Variants in ZNF280D observed in about 807,000 individuals in gnomAD.
ZNF280D encodes the protein zinc finger protein 280D.
ZNF280D carries 39 observed loss-of-function variants against 94.7 expected under a neutral mutation model. The ratio of observed to expected loss-of-function variants is 0.41; its 90% CI spans 0.32 to 0.54. The LOEUF is 0.54. ZNF280D is among the 20% of genes least tolerant of loss of function. The pLI, the probability that ZNF280D is intolerant of heterozygous loss-of-function variation, is 0.22. For missense variants in ZNF280D, 1,090 were observed against 1,149.3 expected (o/e 0.95, Z 0.75); for synonymous variants, 398 against 377.6 (o/e 1.05, Z -0.63).
chr15:56,732,344 T>C (rs974111781), intron 1 of ZNF280D, among the ~76,000 whole-genome samples: 28 of 152,242 alleles, frequency 1.8e-4, no homozygotes, highest in African/African-American at 6.5e-4. Flanking sequence ...CAACAGTATT[T>C]GTAGTGATGT....
At chr15:56,721,246 C>T (rs2058344661) in intron 1 of ZNF280D, among the ~76,000 whole-genome samples, 1 of 152,178 alleles carries the variant, frequency 6.6e-6, no homozygotes, top group Admixed American at 6.5e-5. Flanking sequence ...GTTGCGATTA[C>T]AGGCATGAGC....
At chr15:56,690,917 A>AGTTAACTTGTCACTCTCTAGTTAT (rs1566988147) in intron 7 of ZNF280D, among the ~76,000 whole-genome samples, 2 of 152,134 alleles carry the variant, frequency 1.3e-5, no homozygotes, top group African/African-American at 4.8e-5. Context: ...TATGTTAACT[A>AGTTAACTTGTCACTCTCTAGTTAT]GTTAACTTGT....
chr15:56,705,522 A>G (rs927845152), intron 3 of ZNF280D, among the ~76,000 whole-genome samples: 14 of 152,166 alleles, frequency 9.2e-5, no homozygotes, highest in African/African-American at 3.4e-4. Flanking sequence ...TATTTTCCTC[A>G]TCTATAACAC....
At chr15:56,706,441 G>A (rs1401744577) in intron 3 of ZNF280D, among the ~76,000 whole-genome samples, 3 of 151,914 alleles carry the variant, frequency 2.0e-5, no homozygotes, top group Admixed American at 2.0e-4. Flanking sequence ...TCATGCCACT[G>A]CACTCCAGCC....
Position 56,725,152 on chromosome 15 carries a change from G to C in ZNF280D, c.-86+8306C>G, listed in dbSNP as rs573886486. Among the ~76,000 whole-genome samples, 5 of 152,228 alleles carry C rather than the reference G, an allele frequency of 3.3e-5. No individual in the cohort carries two copies. The South Asian group carries it at 1.0e-3, about 32-fold the overall frequency. On this transcript the variant is annotated intron_variant, in intron 1 of 21. Coordinates refer to ENST00000267807, the MANE Select transcript of ZNF280D (RefSeq NM_017661.4). ...AAGGAACGCACAGGAGTGAAGCCTA[G>C]AAGCAAAGGGCAAATTAGTTCATAG...
chr15:56,669,922 ATATT>A lies in ZNF280D; in HGVS notation c.1411-969_1411-966del, dbSNP rs1566960383. ...TATATAATATATATATATTATATAT[ATATT>A]ATATATATATTATATATATATATTA... is the stretch of plus-strand genomic sequence containing the variant. On this transcript the variant is annotated intron_variant, in intron 13 of 21. Coordinates refer to ENST00000267807, the MANE Select transcript of ZNF280D (RefSeq NM_017661.4). Among the ~76,000 whole-genome samples the A allele has an allele frequency of 5.1e-4, 4 of 7,886 alleles. 1 individual carries two copies. The highest frequency in any genetic ancestry group is 1.5e-3 in the African/African-American group (4 of 2,634). The allele number at this position is 7,886 out of a possible 152,430, so 5.2% of individuals were successfully genotyped here. A position where few individuals can be genotyped will look rare whatever the true frequency, so the allele number is the denominator to read the frequency against.
At chr15:56,718,524 T>A (rs1445486513) in intron 1 of ZNF280D, among the ~76,000 whole-genome samples, 4 of 152,310 alleles carry the variant, frequency 2.6e-5, no homozygotes, top group African/African-American at 9.6e-5. Context: ...TATTAATACA[T>A]AGAAAGGCTA....
chr15:56,687,825 G>A (rs2056132216), intron 9 of ZNF280D, among the ~76,000 whole-genome samples: 1 of 152,144 alleles, frequency 6.6e-6, no homozygotes, highest in Non-Finnish European at 1.5e-5. Context: ...AGTAAGGACA[G>A]ACCAAATATG....
chr15:56,732,310 AG>A (rs1192439164), intron 1 of ZNF280D, among the ~76,000 whole-genome samples: 1 of 152,192 alleles, frequency 6.6e-6, no homozygotes, highest in African/African-American at 2.4e-5. Context: ...TATCAATGAA[AG>A]GCACAAAAGC....
At chr15:56,635,849 G>A (rs1326672869) in intron 20 of ZNF280D, 4 of 152,168 alleles carry the variant, frequency 2.6e-5, no homozygotes, top group Non-Finnish European at 4.4e-5. Context: ...TACCAGCTAT[G>A]GAGTACATAT....
chr15:56,631,344 T>G lies in ZNF280D; in HGVS notation c.*154A>C. The G allele has an allele frequency of 2.6e-6, 2 of 780,560 alleles. No homozygotes were observed. Among genetic ancestry groups the G allele is most frequent in the South Asian group, 4.2e-5 (2 of 48,096 alleles). 48.4% of individuals were successfully genotyped at this position (780,560 alleles called of 1,614,324 possible). A position where few individuals can be genotyped will look rare whatever the true frequency, so the allele number is the denominator to read the frequency against. Reference sequence around the variant, plus strand: ...TGCTATTATTGGTGAATTGATTTGTTTGATAACATAGGTTGAACATACAGG... The same window carrying G: ...TGCTATTATTGGTGAATTGATTTGTGTGATAACATAGGTTGAACATACAGG... On this transcript the variant is annotated 3_prime_UTR_variant, in exon 22 of 22. Coordinates refer to ENST00000267807, the MANE Select transcript of ZNF280D (RefSeq NM_017661.4).
intron 19 of ZNF280D, 187 bp from the exon 20 acceptor site, chr15:56,643,184 A>T (rs2052714816): frequency 2.7e-6 from 1 of 370,486 alleles, no homozygotes. Context: ...GAGACTAAAT[A>T]GTAGATTCGA....
chr15:56,680,171 T>C (rs1772570598), intron 10 of ZNF280D, among the ~76,000 whole-genome samples: 1 of 152,208 alleles, frequency 6.6e-6, no homozygotes, highest in Non-Finnish European at 1.5e-5. Flanking sequence ...AGAAACTCCA[T>C]ACCACAATAT....
chr15:56,728,743 G>A (rs1368417560), intron 1 of ZNF280D, among the ~76,000 whole-genome samples: 1 of 152,170 alleles, frequency 6.6e-6, no homozygotes, highest in Non-Finnish European at 1.5e-5. Context: ...TTATAATGGT[G>A]TGAAAGTGCA....
intron 3 of ZNF280D, among the ~76,000 whole-genome samples, chr15:56,705,740 T>C (rs1186114896): frequency 6.6e-6 from 1 of 152,116 alleles, no homozygotes; most frequent in African/African-American, 2.4e-5. Flanking sequence ...CAATTCAAGA[T>C]TTAACATATA....
intron 9 of ZNF280D, among the ~76,000 whole-genome samples, chr15:56,688,489 CAAAAAAAAAAA>C (rs55861049): frequency 1.3e-5 from 1 of 76,682 alleles, no homozygotes; most frequent in Non-Finnish European, 2.6e-5. Flanking sequence ...GACTCCGTCT[CAAAAAAAAAAA>C]AAAAAAAAAA....
intron 1 of ZNF280D, among the ~76,000 whole-genome samples, chr15:56,716,698 T>A (rs1362448011): frequency 6.6e-6 from 1 of 152,028 alleles, no homozygotes; most frequent in Non-Finnish European, 1.5e-5. Flanking sequence ...AATAACAGAA[T>A]TTGAGTATTA....
At chr15:56,698,452 A>C (rs767209472) in intron 6 of ZNF280D, 1 of 152,206 alleles carries the variant, frequency 6.6e-6, no homozygotes, top group Non-Finnish European at 1.5e-5. Flanking sequence ...ATTACTATCA[A>C]TTATTTTTGC....
intron 7 of ZNF280D, among the ~76,000 whole-genome samples, chr15:56,691,963 A>G (rs992400785): frequency 2.0e-5 from 3 of 152,136 alleles, no homozygotes; most frequent in African/African-American, 7.2e-5. Context: ...GAGACTACAA[A>G]AATCTTAAGA....
Sources: gnomAD v4.1 joint callset for allele counts (sites outside exome capture counted in the v4.1 genomes callset) on GRCh38, gnomAD v4.1.1 for gene constraint, MANE v1.5 for transcripts, NCBI Gene and HGNC (gene_info 2026-07-23, HGNC 2026-07-21) for gene names.